SERPINH1: variants seen among roughly 807,000 people sequenced by gnomAD.
The protein encoded by SERPINH1 is serpin family H member 1.
SERPINH1 carries 22 observed loss-of-function variants against 32.3 expected under a neutral mutation model. That is an observed-to-expected ratio of 0.68 (90% CI 0.49 to 0.97). The LOEUF is 0.97. Among genes scored for constraint, SERPINH1 ranks in the 50% least tolerant of loss-of-function variants. The pLI is 0.00. For synonymous variants in SERPINH1, 251 were observed against 245.9 expected (o/e 1.02, Z -0.19); for missense variants, 543 against 576.4 (o/e 0.94, Z 0.59).
Position 75,566,403 on chromosome 11 carries a change from C to G in SERPINH1, c.54C>G (p.Ala18=). The change falls in exon 2 of 5, where the codon GCC becomes GCG. Residue 18 remains alanine (A), a synonymous_variant. Transcript: ENST00000358171. The part of the protein sequence containing the change: ...SAFCLLEAAL[A]AEVKKPAAAA... ...TCTGCCTCCTGGAGGCGGCCCTGGC[C>G]GCCGAGGTGAAGAAACCTGCAGCCG... is the stretch of plus-strand genomic sequence containing the variant. The G allele has an allele frequency of 1.2e-6, 2 of 1,610,814 alleles. No homozygotes were observed. Among genetic ancestry groups the G allele is most frequent in the East Asian group, 2.2e-5 (1 of 44,842 alleles).
chr11:75,571,842 G>A lies in SERPINH1; in HGVS notation c.1016G>A (p.Arg339His), dbSNP rs535510332. The A allele has an allele frequency of 2.2e-5, 36 of 1,614,032 alleles. No homozygotes were observed. Among genetic ancestry groups the A allele is most frequent in the South Asian group, 1.3e-4 (12 of 91,090 alleles). The part of the protein sequence containing the change: ...AIDKNKADLS[R>H]MSGKKDLYLA... ...GACAAGAACAAGGCCGACTTGTCAC[G>A]CATGTCAGGCAAGAAGGACCTGTAC... Residue 339 changes from arginine to histidine, a missense_variant, in exon 5 of 5, where the codon CGC becomes CAC. This residue lies in a region of SERPINH1 where 427 missense variants were observed against 446.4 expected (regional missense o/e 0.96). Coordinates refer to ENST00000358171, the MANE Select transcript of SERPINH1 (RefSeq NM_001235.5).
At chr11:75,563,091 C>T (rs1942007294) in intron 1 of SERPINH1, 1 of 152,288 alleles carries the variant, frequency 6.6e-6, no homozygotes, top group Non-Finnish European at 1.5e-5. Context: ...CTGTCCACTG[C>T]CACAGGGTTC....
chr11:75,563,385 C>T (rs1474094429), intron 1 of SERPINH1: 2 of 152,442 alleles, frequency 1.3e-5, no homozygotes, highest in Non-Finnish European at 2.9e-5. Flanking sequence ...ATGTACCCAT[C>T]CCCCCTTCCC....
At position 75,566,775 on chromosome 11, in the gene SERPINH1, C is replaced by T. The variant is rs371660937; in HGVS notation, c.426C>T (p.Phe142=). Residue 142 remains phenylalanine (F), a synonymous_variant, in exon 2 of 5, where the codon TTC becomes TTT. Coordinates refer to ENST00000358171, the MANE Select transcript of SERPINH1 (RefSeq NM_001235.5). ...TGTACGGACCCAGCTCAGTGAGCTT[C>T]GCTGATGACTTCGTGCGCAGCAGCA... is the stretch of plus-strand genomic sequence containing the variant. The part of the protein sequence containing the change: ...SRLYGPSSVS[F]ADDFVRSSKQ... 4.3e-6 allele frequency: 7 copies of T among 1,613,246 alleles called. No individual in the cohort carries two copies. The highest frequency in any genetic ancestry group is 2.2e-5 in the South Asian group (2 of 91,090).
rs1394787793 is a variant in SERPINH1 at position 75,572,224 on chromosome 11, G to C, written c.*141G>C. On this transcript the variant is annotated 3_prime_UTR_variant, in exon 5 of 5. Coordinates refer to ENST00000358171, the MANE Select transcript of SERPINH1 (RefSeq NM_001235.5). ...GGTGGAAAAACAGACCGGGGTTCCCGTGTGCCTGAGCGGACCTTCCCAGCT... is the reference window on the plus strand; with the variant it reads ...GGTGGAAAAACAGACCGGGGTTCCCCTGTGCCTGAGCGGACCTTCCCAGCT... The C allele has an allele frequency of 2.1e-5, 17 of 816,888 alleles. 1 individual carries two copies. In the East Asian group the frequency reaches 4.5e-4, roughly 22 times the overall value. 50.6% of individuals were successfully genotyped at this position (816,888 alleles called of 1,614,324 possible). A position where few individuals can be genotyped will look rare whatever the true frequency, so the allele number is the denominator to read the frequency against.
In SERPINH1 at chr11:75,566,509, T is replaced by C. The variant is rs540061657; in HGVS notation, c.160T>C (p.Leu54=). 153 of 1,612,404 alleles carry C rather than the reference T, an allele frequency of 9.5e-5. 2 individuals are homozygous for C. In the East Asian group the frequency reaches 3.4e-3, roughly 36 times the overall value. The part of the protein sequence containing the change: ...AERSAGLAFS[L]YQAMAKDQAV... ...GCGCAGCGCCGGCCTGGCCTTCAGC[T>C]TGTACCAGGCCATGGCCAAGGACCA... Residue 54 remains leucine, a synonymous_variant, in exon 2 of 5, where the codon TTG becomes CTG. Coordinates refer to ENST00000358171, the MANE Select transcript of SERPINH1 (RefSeq NM_001235.5).
At chr11:75,566,996 T>TC in intron 2 of SERPINH1, 25 bp downstream of exon 2, 2 of 1,469,268 alleles carry the variant, frequency 1.4e-6, no homozygotes, top group Non-Finnish European at 1.8e-6. Flanking sequence ...CGTTCAGGGG[T>TC]CCTCCTCCTC....
chr11:75,564,583 T>A (rs987356830), intron 1 of SERPINH1, among the ~76,000 whole-genome samples: 4 of 152,236 alleles, frequency 2.6e-5, no homozygotes, highest in African/African-American at 9.6e-5. Context: ...CAATAAATTA[T>A]ATGGTTGCTC....
intron 4 of SERPINH1, among the ~76,000 whole-genome samples, chr11:75,571,285 A>T (rs780825405): frequency 3.3e-5 from 5 of 152,160 alleles, no homozygotes; most frequent in African/African-American, 1.2e-4. Flanking sequence ...CAGGCATCCT[A>T]TCACTCTGGA....
chr11:75,568,839 G>A lies in SERPINH1; in HGVS notation c.721+10G>A, dbSNP rs1942143433. ...ATGATGCACCGGACAGGTAGGTGCT[G>A]TGAGGAGCAGGGTGTCAAGGTGGGT... On this transcript the variant is annotated intron_variant, in intron 3 of 4. Transcript: ENST00000358171. The A allele has an allele frequency of 6.2e-7, 1 of 1,611,562 alleles. No individual in the cohort carries two copies. Among genetic ancestry groups the A allele is most frequent in the Non-Finnish European group, 8.5e-7 (1 of 1,177,642 alleles).
intron 1 of SERPINH1, chr11:75,562,744 C>T (rs903007832): frequency 6.6e-6 from 1 of 152,264 alleles, no homozygotes; most frequent in African/African-American, 2.4e-5. Flanking sequence ...ATAGGCCGGC[C>T]TCGCAGTTCC....
intron 1 of SERPINH1, 25 bp from the exon 2 acceptor site, chr11:75,566,291 C>A: frequency 6.4e-7 from 1 of 1,572,580 alleles, no homozygotes; most frequent in South Asian, 1.2e-5. Context: ...GCTTCAAGAC[C>A]ACCCTGTCTG....
At position 75,572,026 on chromosome 11, in the gene SERPINH1, G is replaced by C; in HGVS notation, c.1200G>C (p.Leu400=). The C allele has an allele frequency of 6.2e-7, 1 of 1,614,198 alleles. No individual in the cohort carries two copies. Among genetic ancestry groups the C allele is most frequent in the Non-Finnish European group, 8.5e-7 (1 of 1,180,034 alleles). ...TGCGGGACACCCAAAGCGGCTCCCT[G>C]CTATTCATTGGGCGCCTGGTCCGGC... ...FLVRDTQSGS[L]LFIGRLVRPK... is the part of the protein sequence containing the mutation. The change falls in exon 5 of 5, where the codon CTG becomes CTC. Residue 400 remains leucine, a synonymous_variant. Coordinates refer to ENST00000358171, the MANE Select transcript of SERPINH1 (RefSeq NM_001235.5).
chr11:75,571,830 C>T lies in SERPINH1; in HGVS notation c.1004C>T (p.Ala335Val). The change falls in exon 5 of 5, where the codon GCC (alanine) becomes GTC (valine). Residue 335 changes from alanine to valine, a missense_variant. Coordinates refer to ENST00000358171, the MANE Select transcript of SERPINH1 (RefSeq NM_001235.5). ...ACTGAGGCCATTGACAAGAACAAGG[C>T]CGACTTGTCACGCATGTCAGGCAAG... ...GLTEAIDKNKADLSRMSGKKD... is the reference protein window; with the variant it reads ...GLTEAIDKNKVDLSRMSGKKD... 1 of 1,614,132 alleles carries T rather than the reference C, an allele frequency of 6.2e-7. No homozygotes were observed. The highest frequency in any genetic ancestry group is 8.5e-7 in the Non-Finnish European group (1 of 1,180,036).
In SERPINH1 at chr11:75,572,075, G is replaced by A. The variant is rs1292850878; in HGVS notation, c.1249G>A (p.Glu417Lys). The part of the protein sequence containing the change: ...VRPKGDKMRD[E>K]L ...GCCTAAGGGTGACAAGATGCGAGACGAGTTATAGGGCCTCAGGGTGCACAC... is the reference window on the plus strand; with the variant it reads ...GCCTAAGGGTGACAAGATGCGAGACAAGTTATAGGGCCTCAGGGTGCACAC... Residue 417 changes from glutamate to lysine, a missense_variant, in exon 5 of 5, where the codon GAG (glutamate) becomes AAG (lysine). Glu to Lys is a moderately conservative substitution (Grantham distance 56). This residue lies in a region of SERPINH1 where 427 missense variants were observed against 446.4 expected (regional missense o/e 0.96). Coordinates refer to ENST00000358171, the MANE Select transcript of SERPINH1 (RefSeq NM_001235.5). 1 of 1,613,920 alleles carries A rather than the reference G, an allele frequency of 6.2e-7. No individual in the cohort carries two copies. The highest frequency in any genetic ancestry group is 8.5e-7 in the Non-Finnish European group (1 of 1,180,008).
chr11:75,570,246 C>T (rs1023931135), intron 4 of SERPINH1, among the ~76,000 whole-genome samples: 4 of 152,164 alleles, frequency 2.6e-5, no homozygotes, highest in African/African-American at 4.8e-5. Context: ...CCTGCAGAAT[C>T]GATCCAGACT....
At chr11:75,571,663 A>G in intron 4 of SERPINH1, 118 bp from the exon 5 acceptor site, 1 of 875,076 alleles carries the variant, frequency 1.1e-6, no homozygotes. Flanking sequence ...ACAGAAGGTG[A>G]CCAGGGGGTG....
chr11:75,566,751 G>T lies in SERPINH1; in HGVS notation c.402G>T (p.Leu134=). Residue 134 remains leucine (L), a synonymous_variant, in exon 2 of 5, where the codon CTG becomes CTT. Coordinates refer to ENST00000358171, the MANE Select transcript of SERPINH1 (RefSeq NM_001235.5). ...RNVTWKLGSR[L]YGPSSVSFAD... ...TGACCTGGAAGCTGGGCAGCCGACT[G>T]TACGGACCCAGCTCAGTGAGCTTCG... 6.2e-7 allele frequency: 1 copy of T among 1,613,202 alleles called. No homozygotes were observed. Among genetic ancestry groups the T allele is most frequent in the Non-Finnish European group, 8.5e-7 (1 of 1,179,934 alleles).
chr11:75,564,624 G>A (rs1942041088), intron 1 of SERPINH1, among the ~76,000 whole-genome samples: 1 of 152,224 alleles, frequency 6.6e-6, no homozygotes, highest in Admixed American at 6.5e-5. Flanking sequence ...TGGCAGGGAA[G>A]GAGCCAGAGC....
Sources: gnomAD v4.1 joint callset for allele counts (sites outside exome capture counted in the v4.1 genomes callset) on GRCh38, gnomAD v4.1.1 for gene constraint, gnomAD v4.1.1 regional missense constraint, MANE v1.5 for transcripts, NCBI Gene and HGNC (gene_info 2026-07-23, HGNC 2026-07-21) for gene names.